ATG9B: variants seen among roughly 807,000 people sequenced by gnomAD.
ATG9B encodes autophagy related 9B.
ATG9B carries 92 observed loss-of-function variants against 92.9 expected under a neutral mutation model. The ratio of observed to expected loss-of-function variants is 0.99; its 90% CI spans 0.84 to 1.18. The LOEUF (loss-of-function observed/expected upper bound fraction) is 1.18, where lower values mean the gene tolerates loss of function less well. Among genes scored for constraint, ATG9B ranks in the 50% most tolerant of loss-of-function variants. The pLI is 0.00. For synonymous variants in ATG9B, 599 were observed against 551.4 expected, an observed-to-expected ratio of 1.09 and a Z score of -1.21; for missense variants, 1,344 against 1,235.0, an observed-to-expected ratio of 1.09 and a Z score of -1.32.
At chr7:151,023,537 A>G in intron 2 of ATG9B, 28 bp from the exon 3 acceptor site, 5 of 1,612,902 alleles carry the variant, frequency 3.1e-6, no homozygotes, top group Non-Finnish European at 4.2e-6. Context: ...AACAAGCCTG[A>G]GGCACGGGGG....
intron 5 of ATG9B, 110 bp from the exon 6 acceptor site, chr7:151,019,484 A>G: frequency 7.2e-7 from 1 of 1,384,456 alleles, no homozygotes; most frequent in Non-Finnish European, 9.4e-7. Context: ...TGAGTTTGCG[A>G]TCACAAACTC....
In ATG9B at chr7:151,018,245, G is replaced by A. The variant is rs776973497; in HGVS notation, c.1872+49C>T. On this transcript the variant is annotated intron_variant, in intron 7 of 13. Coordinates refer to ENST00000639579, the MANE Select transcript of ATG9B (RefSeq NM_001317056.2). This position sits in a 1 kb window ranked among gnomAD's most constrained non-coding sequence, Gnocchi z 4.7. Reference sequence around the variant, plus strand: ...TCCGCGCAGACAGACCCTCCGCGCAGACAGACCCCACAACTTCCTCCTCAG... The same window carrying A: ...TCCGCGCAGACAGACCCTCCGCGCAAACAGACCCCACAACTTCCTCCTCAG... The A allele has an allele frequency of 4.6e-6, 7 of 1,509,640 alleles. No homozygotes were observed. The South Asian group carries it at 7.9e-5, about 17-fold the overall frequency. The allele number at this position is 1,509,640 out of a possible 1,614,324, so 93.5% of individuals were successfully genotyped here. A position where few individuals can be genotyped will look rare whatever the true frequency, so the allele number is the denominator to read the frequency against.
chr7:151,012,218 GTTTT>G (rs978902057), downstream of ATG9B: 2 of 522,030 alleles, frequency 3.8e-6, no homozygotes, highest in Non-Finnish European at 6.2e-6. Flanking sequence ...GTTGTTTTTT[GTTTT>G]TTGTTTTTTT....
Position 151,015,692 on chromosome 7 carries a change from G to A in ATG9B, c.*36C>T, listed in dbSNP as rs1313825669. 3.6e-5 allele frequency: 25 copies of A among 692,182 alleles called. 1 individual carries two copies. In the South Asian group the frequency reaches 6.3e-4, roughly 17 times the overall value. 42.9% of individuals were successfully genotyped at this position (692,182 alleles called of 1,614,324 possible). ...TTTCTACTCCACCCTCCAATCTCCT[G>A]TGGCTGCCGAAGCCAGGGTACCTGT... On this transcript the variant is annotated 3_prime_UTR_variant, in exon 14 of 14. Coordinates refer to ENST00000639579, the MANE Select transcript of ATG9B (RefSeq NM_001317056.2).
intron 8 of ATG9B, among the ~76,000 whole-genome samples, 197 bp from the exon 9 acceptor site, chr7:151,017,469 T>C (rs573499231): frequency 1.3e-5 from 2 of 152,086 alleles, no homozygotes; most frequent in Non-Finnish European, 2.9e-5. Context: ...GATTGCCAGC[T>C]CGGGGATAGG....
At position 151,018,590 on chromosome 7, in the gene ATG9B, C is replaced by T; in HGVS notation, c.1718+30G>A. On this transcript the variant is annotated intron_variant, in intron 6 of 13. Transcript: ENST00000639579. The surrounding 1 kb of genome is among the most constrained non-coding windows in gnomAD (Gnocchi z 4.7). The stretch of plus-strand genomic sequence containing the variant: ...GCCCCAGATCAGAGAAACCAACACA[C>T]ACCACCACCCCGGGCATCTGCCGTC... 3 of 1,584,422 alleles carry T rather than the reference C, an allele frequency of 1.9e-6. No individual in the cohort carries two copies. In the South Asian group the frequency reaches 3.4e-5, roughly 18 times the overall value.
intron 4 of ATG9B, among the ~76,000 whole-genome samples, chr7:151,021,965 A>G (rs1291982454): frequency 1.6e-5 from 2 of 127,960 alleles, no homozygotes; most frequent in African/African-American, 6.2e-5. Context: ...TTACATTTTA[A>G]AGTTGTTCTC....
Position 151,018,157 on chromosome 7 carries a change from C to A in ATG9B, c.1873-107G>T. On this transcript the variant is annotated intron_variant, in intron 7 of 13. Transcript: ENST00000639579. This position sits in a 1 kb window ranked among gnomAD's most constrained non-coding sequence, Gnocchi z 4.7. ...CTCGCCAGGGCAAGAAGCCTCCCCA[C>A]CCAGTCACTCCCTAGACTCCTGGTA... 1 of 1,464,548 alleles carries A rather than the reference C, an allele frequency of 6.8e-7. No individual in the cohort carries two copies. Among genetic ancestry groups the A allele is most frequent in the Admixed American group, 2.5e-5 (1 of 40,774 alleles). The allele number at this position is 1,464,548 out of a possible 1,614,324, so 90.7% of individuals were successfully genotyped here.
chr7:151,024,137 G>T lies in ATG9B; in HGVS notation c.287C>A (p.Thr96Asn), dbSNP rs1238089491. 5.7e-6 allele frequency: 9 copies of T among 1,588,504 alleles called. No individual in the cohort carries two copies. Among genetic ancestry groups the T allele is most frequent in the Admixed American group, 1.7e-5 (1 of 58,556 alleles). ...TGCAGGTTGAGCCTGTGTTGGGGGGGTGGCTGGGATAGGGAGAGCACTGTG... is the reference window on the plus strand; with the variant it reads ...TGCAGGTTGAGCCTGTGTTGGGGGGTTGGCTGGGATAGGGAGAGCACTGTG... ...SCHSALPIPA[T>N]PPTQAQPAMT... Residue 96 changes from threonine to asparagine, a missense_variant, in exon 1 of 14, where the codon ACC becomes AAC. Transcript: ENST00000639579.
chr7:151,019,558 T>C (rs1213844849), intron 5 of ATG9B, among the ~76,000 whole-genome samples, 184 bp from the exon 6 acceptor site: 1 of 152,148 alleles, frequency 6.6e-6, no homozygotes, highest in Non-Finnish European at 1.5e-5. Flanking sequence ...CTTAACCCTG[T>C]CACTAACAAG....
chr7:151,012,237 A>AT (rs894952713), downstream of ATG9B: 617 of 802,888 alleles, frequency 7.7e-4, 1 homozygote, highest in African/African-American at 2.1e-3. Context: ...TTTTTTTTTA[A>AT]TTTTTTTTTG....
downstream of ATG9B, chr7:151,012,238 T>C: frequency 1.3e-6 from 1 of 781,348 alleles, no homozygotes; most frequent in East Asian, 3.2e-5. Flanking sequence ...TTTTTTTTAA[T>C]TTTTTTTTGA....
downstream of ATG9B, chr7:151,013,527 C>G (rs2117141253): frequency 8.4e-7 from 1 of 1,190,342 alleles, no homozygotes; most frequent in East Asian, 2.6e-5. Context: ...CACCCTTGTG[C>G]CCCGGCCCCT....
chr7:151,023,362 C>T, intron 3 of ATG9B, 83 bp downstream of exon 3: 1 of 1,599,138 alleles, frequency 6.3e-7, no homozygotes, highest in Non-Finnish European at 8.6e-7. Context: ...ATGGAAGCAG[C>T]TGGCACAATT....
chr7:151,021,883 T>C (rs1264298569), intron 4 of ATG9B, among the ~76,000 whole-genome samples: 1 of 152,086 alleles, frequency 6.6e-6, no homozygotes, highest in Non-Finnish European at 1.5e-5. Flanking sequence ...TCTCCTGACC[T>C]TGTGATCCGC....
At chr7:151,017,740 G>C in intron 8 of ATG9B, 131 bp downstream of exon 8, 1 of 1,149,530 alleles carries the variant, frequency 8.7e-7, no homozygotes, top group South Asian at 1.7e-5. Context: ...CGAGAGCACA[G>C]GAAGGGAAGT....
rs1211440641 is a variant in ATG9B, at chr7:151,016,525, G to C, written c.2426C>G (p.Ser809Cys). Residue 809 changes from serine to cysteine, a missense_variant and splice_region_variant, in exon 11 of 14, where the codon TCT (serine) becomes TGT (cysteine). Coordinates refer to ENST00000639579, the MANE Select transcript of ATG9B (RefSeq NM_001317056.2). ...SISRIAQDPS[S>C]VSPGGTGGQK... The stretch of plus-strand genomic sequence containing the variant: ...GCCCCCAGTGCCTCCTGGGGACACA[G>C]AGCTGGAACATAACATGAAGCAGGT... The C allele has an allele frequency of 1.3e-6, 2 of 1,550,580 alleles. No individual in the cohort carries two copies. The highest frequency in any genetic ancestry group is 1.7e-6 in the Non-Finnish European group (2 of 1,146,858).
At position 151,024,398 on chromosome 7, in the gene ATG9B, C is replaced by G; in HGVS notation, c.26G>C (p.Gly9Ala). ...CCACCGCCCCAGCCGCCTTCTTCTCCCCCCCCAGCCCATTCGGCTCACCAT... is the reference window on the plus strand; with the variant it reads ...CCACCGCCCCAGCCGCCTTCTTCTCGCCCCCCAGCCCATTCGGCTCACCAT... Reference protein sequence around the residue: MVSRMGWGGRRRRLGRWGD... With the variant: MVSRMGWGARRRRLGRWGD... The change falls in exon 1 of 14, where the codon GGG (glycine) becomes GCG (alanine). Residue 9 changes from glycine to alanine, a missense_variant. Coordinates refer to ENST00000639579, the MANE Select transcript of ATG9B (RefSeq NM_001317056.2). 7.3e-7 allele frequency: 1 copy of G among 1,370,228 alleles called. No individual in the cohort carries two copies. The highest frequency in any genetic ancestry group is 9.5e-7 in the Non-Finnish European group (1 of 1,056,904). 84.9% of individuals were successfully genotyped at this position (1,370,228 alleles called of 1,614,324 possible).
intron 8 of ATG9B, among the ~76,000 whole-genome samples, chr7:151,017,636 G>C (rs1036785802): frequency 5.3e-4 from 80 of 152,218 alleles, no homozygotes; most frequent in Admixed American, 4.3e-3. Flanking sequence ...CTCCATCATA[G>C]GCTATACAGA....
Sources: gnomAD v4.1 joint callset for allele counts (sites outside exome capture counted in the v4.1 genomes callset) on GRCh38, gnomAD v4.1.1 for gene constraint, Gnocchi (gnomAD v3.1) non-coding constraint, MANE v1.5 for transcripts, NCBI Gene and HGNC (gene_info 2026-07-23, HGNC 2026-07-21) for gene names.